The following PLPP3 variants were observed in gnomAD, a reference collection of about 807,000 sequenced individuals.
The protein encoded by PLPP3 is phospholipid phosphatase 3, also known as PAP2 beta.
In PLPP3, 6 loss-of-function variants were observed where a neutral mutation model predicts 29.6. The observed-to-expected ratio is 0.20, with a 90% confidence interval of 0.11 to 0.40. The LOEUF is 0.40. Among genes scored for constraint, PLPP3 ranks in the 10% least tolerant of loss-of-function variants. The pLI is 1.00. For synonymous variants in PLPP3, 152 were observed against 159.7 expected, an observed-to-expected ratio of 0.95 and a Z score of 0.36; for missense variants, 308 against 407.7, an observed-to-expected ratio of 0.76 and a Z score of 2.11.
At chr1:56,510,335 A>AG (rs1569867310) in intron 5 of PLPP3, among the ~76,000 whole-genome samples, 1 of 152,252 alleles carries the variant, frequency 6.6e-6, no homozygotes, top group East Asian at 1.9e-4. Flanking sequence ...TTGCTCCCCC[A>AG]GGTTCTCTCC....
chr1:56,578,764 C>T (rs1404714245), intron 1 of PLPP3, 114 bp downstream of exon 1: 10 of 1,154,634 alleles, frequency 8.7e-6, no homozygotes, highest in Non-Finnish European at 1.1e-5. Flanking sequence ...CTGCGGGGGC[C>T]CCCCGGAGCT....
intron 1 of PLPP3, among the ~76,000 whole-genome samples, chr1:56,575,277 TTCTGAC>T (rs1430843758): frequency 5.3e-5 from 8 of 152,320 alleles, no homozygotes; most frequent in Admixed American, 4.6e-4. Flanking sequence ...AACCTGAAGC[TTCTGAC>T]TCTAAGTGTC....
chr1:56,521,234 C>CAAAAAAAAAAAAAAA (rs765448174), intron 4 of PLPP3, among the ~76,000 whole-genome samples: 1 of 54,782 alleles, frequency 1.8e-5, no homozygotes, highest in African/African-American at 6.8e-5. Context: ...GACTCTGTCT[C>CAAAAAAAAAAAAAAA]AAAAAAAAAA....
chr1:56,545,660 G>A lies in PLPP3; in HGVS notation c.140-8548C>T, dbSNP rs113942366. Reference sequence around the variant, plus strand: ...TCACATGATGCTGTATCGGAGGCAAGTCTATAATAAGGTTGAGAAAAATAC... The same window carrying A: ...TCACATGATGCTGTATCGGAGGCAAATCTATAATAAGGTTGAGAAAAATAC... On this transcript the variant is annotated intron_variant, in intron 1 of 5. Coordinates refer to ENST00000371250, the MANE Select transcript of PLPP3 (RefSeq NM_003713.5). Among the ~76,000 whole-genome samples the A allele has an allele frequency of 2.1e-4, 32 of 152,238 alleles. 1 individual carries two copies. The highest frequency in any genetic ancestry group is 7.7e-4 in the African/African-American group (32 of 41,524).
At chr1:56,516,884 C>T (rs963574636) in intron 4 of PLPP3, 1 of 152,024 alleles carries the variant, frequency 6.6e-6, no homozygotes, top group African/African-American at 2.4e-5. Context: ...GCATGTAGAA[C>T]TCACTCTGTC....
chr1:56,516,696 G>A (rs1645783325), intron 4 of PLPP3, among the ~76,000 whole-genome samples: 2 of 151,358 alleles, frequency 1.3e-5, no homozygotes, highest in South Asian at 4.2e-4. Flanking sequence ...ACAGCAACTA[G>A]ATTGGAACCT....
intron 1 of PLPP3, among the ~76,000 whole-genome samples, chr1:56,547,606 T>C (rs1325320891): frequency 1.3e-5 from 2 of 152,164 alleles, no homozygotes; most frequent in Admixed American, 6.5e-5. Context: ...CTTTTCCACA[T>C]AGTGATACTA....
rs1272564078 is a variant in PLPP3 at position 56,494,847 on chromosome 1, A to G, written c.*1704T>C. On this transcript the variant is annotated 3_prime_UTR_variant, in exon 6 of 6. Coordinates refer to ENST00000371250, the MANE Select transcript of PLPP3 (RefSeq NM_003713.5). ...ACAAGTTTTCACTTTGTATGCTACA[A>G]AAGTCTTTGAATATTATTCTCTTTA... 6.6e-6 allele frequency: 1 copy of G among 152,670 alleles called. No homozygotes were observed. The allele number at this position is 152,670 out of a possible 1,614,324, so 9.5% of individuals were successfully genotyped here.
At chr1:56,555,462 A>AAAAC (rs1646070361) in intron 1 of PLPP3, among the ~76,000 whole-genome samples, 1 of 115,224 alleles carries the variant, frequency 8.7e-6, no homozygotes, top group Non-Finnish European at 1.8e-5. Context: ...AAAAAAAAAC[A>AAAAC]AAAAACAAAC....
chr1:56,524,326 T>C lies in PLPP3; in HGVS notation c.526A>G (p.Ile176Val), dbSNP rs1390388028. Reference sequence around the variant, plus strand: ...TCACCTCTGCATCTGTAGTTCTGAATGTAGCCTTCAGAGCAGTTGATCTGG... The same window carrying C: ...TCACCTCTGCATCTGTAGTTCTGAACGTAGCCTTCAGAGCAGTTGATCTGG... ...FSQINCSEGY[I>V]QNYRCRGDDS... The change falls in exon 3 of 6, where the codon ATT (isoleucine) becomes GTT (valine). Residue 176 changes from isoleucine (I) to valine (V), a missense_variant. Ile to Val is a conservative substitution (Grantham distance 29). Coordinates refer to ENST00000371250, the MANE Select transcript of PLPP3 (RefSeq NM_003713.5). This position sits in a 1 kb window ranked among gnomAD's most constrained non-coding sequence, Gnocchi z 4.3. The C allele has an allele frequency of 1.2e-6, 2 of 1,614,024 alleles. No homozygotes were observed. The highest frequency in any genetic ancestry group is 1.7e-6 in the Non-Finnish European group (2 of 1,179,946).
intron 1 of PLPP3, among the ~76,000 whole-genome samples, chr1:56,562,446 T>C (rs576356116): frequency 2.6e-5 from 4 of 152,258 alleles, no homozygotes; most frequent in South Asian, 2.1e-4. Flanking sequence ...GGGTAAATGA[T>C]AGCATGTGCC....
chr1:56,575,282 A>T (rs1427791731), intron 1 of PLPP3, among the ~76,000 whole-genome samples: 1 of 152,082 alleles, frequency 6.6e-6, no homozygotes, highest in African/African-American at 2.4e-5. Flanking sequence ...GAAGCTTCTG[A>T]CTCTAAGTGT....
intron 4 of PLPP3, among the ~76,000 whole-genome samples, chr1:56,520,910 CAAAA>C (rs1169318077): frequency 4.8e-5 from 3 of 61,906 alleles, no homozygotes; most frequent in East Asian, 5.7e-4. Context: ...GACTCCATCT[CAAAA>C]AAAAAAAAAA....
intron 1 of PLPP3, among the ~76,000 whole-genome samples, chr1:56,540,805 T>C (rs1032018680): frequency 6.6e-6 from 1 of 152,138 alleles, no homozygotes; most frequent in East Asian, 1.9e-4. Context: ...TCCCCCCAAC[T>C]AGGCAGCTAG....
At chr1:56,568,753 T>C (rs947500790) in intron 1 of PLPP3, among the ~76,000 whole-genome samples, 2 of 152,114 alleles carry the variant, frequency 1.3e-5, no homozygotes, top group Non-Finnish European at 2.9e-5. Context: ...GCCTCCCGAG[T>C]GGCTGGGACT....
At chr1:56,569,051 C>A (rs1317719427) in intron 1 of PLPP3, among the ~76,000 whole-genome samples, 2 of 152,170 alleles carry the variant, frequency 1.3e-5, no homozygotes, top group African/African-American at 2.4e-5. Flanking sequence ...ATCCAGTCAT[C>A]TCTCCCAAAC....
At chr1:56,572,043 GTTTTTTTTTTT>G (rs375576842) in intron 1 of PLPP3, among the ~76,000 whole-genome samples, 5 of 85,072 alleles carry the variant, frequency 5.9e-5, no homozygotes, top group Non-Finnish European at 8.0e-5. Context: ...ATCATTTCTG[GTTTTTTTTTTT>G]TTTTTTTTTT....
chr1:56,565,230 C>G (rs1023272104), intron 1 of PLPP3, among the ~76,000 whole-genome samples: 1 of 152,140 alleles, frequency 6.6e-6, no homozygotes, highest in Admixed American at 6.5e-5. Context: ...GGTAGAAGTT[C>G]CATGTACTGC....
At chr1:56,523,707 T>C in intron 4 of PLPP3, 116 bp downstream of exon 4, 1 of 1,176,316 alleles carries the variant, frequency 8.5e-7, no homozygotes, top group Non-Finnish European at 1.2e-6. Flanking sequence ...CTAGCTAACC[T>C]CTTTTTCAAG....
Sources: gnomAD v4.1 joint callset for allele counts (sites outside exome capture counted in the v4.1 genomes callset) on GRCh38, gnomAD v4.1.1 for gene constraint, Gnocchi (gnomAD v3.1) non-coding constraint, MANE v1.5 for transcripts, NCBI Gene and HGNC (gene_info 2026-07-23, HGNC 2026-07-21) for gene names.